Variants in SPON1 observed in about 807,000 individuals in gnomAD.
The protein encoded by SPON1 is spondin-1.
In SPON1, 52 loss-of-function variants were observed where a neutral mutation model predicts 111.7. The observed-to-expected ratio is 0.47, with a 90% CI of 0.37 to 0.59. The LOEUF (loss-of-function observed/expected upper bound fraction) is 0.59, where lower values mean the gene tolerates loss of function less well. Ranked by LOEUF, SPON1 falls within the 20% of genes least tolerant of loss-of-function variation. The pLI is 0.00. For synonymous variants in SPON1, 410 were observed against 395.8 expected (o/e 1.04, Z -0.43); for missense variants, 957 against 1,068.5 (o/e 0.90, Z 1.46).
intron 6 of SPON1, among the ~76,000 whole-genome samples, chr11:14,231,936 T>C (rs60480290): frequency 0.53 from 80,390 of 151,388 alleles, 21,567 homozygotes; most frequent in East Asian, 0.64. Context: ...GGTGGGATTA[T>C]AGGGTCATTC....
intron 2 of SPON1, among the ~76,000 whole-genome samples, chr11:14,026,758 T>C (rs1848521905): frequency 6.6e-6 from 1 of 152,162 alleles, no homozygotes; most frequent in African/African-American, 2.4e-5. Flanking sequence ...GGAGAGTCCT[T>C]CTCTTCTATG....
chr11:14,244,193 T>A (rs555181469), intron 7 of SPON1, among the ~76,000 whole-genome samples: 1 of 152,264 alleles, frequency 6.6e-6, no homozygotes, highest in South Asian at 2.1e-4. Flanking sequence ...TCAGTCCAAT[T>A]CCTCATCCAC....
chr11:14,214,922 G>C (rs1386556195), intron 6 of SPON1, among the ~76,000 whole-genome samples: 1 of 152,212 alleles, frequency 6.6e-6, no homozygotes, highest in African/African-American at 2.4e-5. Flanking sequence ...TTTAAATTTT[G>C]TGGACTTTTA....
chr11:14,007,471 T>C (rs1414359494), intron 2 of SPON1, among the ~76,000 whole-genome samples: 3 of 152,128 alleles, frequency 2.0e-5, no homozygotes, highest in Non-Finnish European at 2.9e-5. Flanking sequence ...CCTTTTCACA[T>C]TTTCTGCCTG....
At chr11:14,068,754 C>CTA (rs2133826701) in intron 3 of SPON1, among the ~76,000 whole-genome samples, 1 of 152,312 alleles carries the variant, frequency 6.6e-6, no homozygotes, top group Admixed American at 6.5e-5. Flanking sequence ...CCAGAAATGG[C>CTA]CACCCTCCGC....
chr11:14,098,888 C>G (rs1457210197), intron 5 of SPON1, among the ~76,000 whole-genome samples: 1 of 152,038 alleles, frequency 6.6e-6, no homozygotes, highest in African/African-American at 2.4e-5. Context: ...TCATTAAATT[C>G]TTCAGATCTA....
intron 3 of SPON1, among the ~76,000 whole-genome samples, chr11:14,065,938 G>C (rs1848829232): frequency 1.3e-5 from 2 of 152,130 alleles, no homozygotes; most frequent in African/African-American, 2.4e-5. Context: ...TGGACTCAAG[G>C]GGCTCTGAGT....
At chr11:14,206,280 G>A (rs782043255) in intron 6 of SPON1, among the ~76,000 whole-genome samples, 27 of 151,984 alleles carry the variant, frequency 1.8e-4, no homozygotes, top group East Asian at 5.8e-4. Context: ...TGCAACCTCC[G>A]CCTCCCAGGT....
intron 5 of SPON1, among the ~76,000 whole-genome samples, chr11:14,127,646 A>G (rs1473120299): frequency 6.6e-6 from 1 of 152,268 alleles, no homozygotes; most frequent in South Asian, 2.1e-4. Context: ...TGAGAATAGC[A>G]TCTGTATTAA....
At chr11:14,262,621 C>A in intron 14 of SPON1, 91 bp from the exon 15 acceptor site, 1 of 1,507,768 alleles carries the variant, frequency 6.6e-7, no homozygotes, top group Non-Finnish European at 9.1e-7. Context: ...GCTTTGCATC[C>A]CTCATAGGCT....
At chr11:14,050,238 A>G (rs1848698357) in intron 3 of SPON1, among the ~76,000 whole-genome samples, 1 of 152,226 alleles carries the variant, frequency 6.6e-6, no homozygotes. Flanking sequence ...CCTTATTTGT[A>G]GGAACTCCTC....
intron 3 of SPON1, among the ~76,000 whole-genome samples, chr11:14,051,067 G>A (rs1848704044): frequency 6.6e-6 from 1 of 152,190 alleles, no homozygotes; most frequent in Non-Finnish European, 1.5e-5. Flanking sequence ...TGTGCTGAGA[G>A]GATGTGAAGA....
At chr11:14,034,826 G>A (rs1564890280) in intron 2 of SPON1, among the ~76,000 whole-genome samples, 1 of 152,218 alleles carries the variant, frequency 6.6e-6, no homozygotes, top group Non-Finnish European at 1.5e-5. Context: ...GTACCTGGCA[G>A]ATAATAAATG....
intron 6 of SPON1, among the ~76,000 whole-genome samples, chr11:14,184,146 C>G (rs1444435951): frequency 6.6e-6 from 1 of 152,122 alleles, no homozygotes; most frequent in African/African-American, 2.4e-5. Flanking sequence ...GGAAGCCTTC[C>G]AACTATGTAA....
intron 5 of SPON1, among the ~76,000 whole-genome samples, chr11:14,086,097 A>G (rs563394363): frequency 6.6e-6 from 1 of 152,280 alleles, no homozygotes; most frequent in South Asian, 2.1e-4. Flanking sequence ...GCAAACAGAG[A>G]CAATTTGACC....
chr11:14,137,899 G>C (rs1199616424), intron 6 of SPON1, among the ~76,000 whole-genome samples: 1 of 152,160 alleles, frequency 6.6e-6, no homozygotes, highest in Admixed American at 6.5e-5. Flanking sequence ...CAGTTGGATA[G>C]GGTGATTTCA....
intron 1 of SPON1, among the ~76,000 whole-genome samples, chr11:13,967,567 G>T (rs1848028019): frequency 1.3e-5 from 2 of 150,506 alleles, no homozygotes; most frequent in South Asian, 4.2e-4. Flanking sequence ...AAACAGATTT[G>T]ACTGTTGTTT....
intron 5 of SPON1, among the ~76,000 whole-genome samples, chr11:14,124,243 C>A (rs898081198): frequency 3.9e-5 from 6 of 152,088 alleles, no homozygotes; most frequent in Admixed American, 3.9e-4. Flanking sequence ...TTACACATAT[C>A]TCTAGCTTTT....
chr11:14,159,130 T>A (rs1420745984), intron 6 of SPON1, among the ~76,000 whole-genome samples: 4 of 152,098 alleles, frequency 2.6e-5, no homozygotes, highest in Non-Finnish European at 5.9e-5. Flanking sequence ...CATAATTAAT[T>A]ACTTATAGTA....
Sources: allele counts gnomAD v4.1 joint callset (sites outside exome capture counted in the v4.1 genomes callset), GRCh38; gene constraint gnomAD v4.1.1; transcripts MANE v1.5; gene names NCBI Gene and HGNC (gene_info 2026-07-23, HGNC 2026-07-21).